The following SEC23A variants were observed in gnomAD, a reference collection of about 807,000 sequenced individuals.
The protein encoded by SEC23A is SEC23 homolog A, COPII component.
In SEC23A, 56 loss-of-function variants were observed where a neutral mutation model predicts 103.7. The observed-to-expected ratio is 0.54, with a 90% CI of 0.44 to 0.67. The LOEUF (loss-of-function observed/expected upper bound fraction) is 0.67, where lower values mean the gene tolerates loss of function less well. SEC23A is among the 30% of genes least tolerant of loss of function. The pLI is 0.00. For missense variants in SEC23A, 784 were observed against 936.4 expected (o/e 0.84, Z 2.12); for synonymous variants, 281 against 293.0 (o/e 0.96, Z 0.42).
At chr14:39,039,674 C>T (rs891086987) in intron 18 of SEC23A, 1 of 152,906 alleles carries the variant, frequency 6.5e-6, no homozygotes, top group African/African-American at 2.4e-5. Flanking sequence ...AGCACATAGA[C>T]AGTAACATCT....
At chr14:39,038,823 A>G (rs1185604340) in intron 19 of SEC23A, among the ~76,000 whole-genome samples, 3 of 152,214 alleles carry the variant, frequency 2.0e-5, no homozygotes, top group African/African-American at 7.2e-5. Flanking sequence ...TCTCAAGGGT[A>G]TAGTGCTAAA....
chr14:39,054,868 G>A (rs1187682490), intron 14 of SEC23A, among the ~76,000 whole-genome samples: 1 of 152,086 alleles, frequency 6.6e-6, no homozygotes, highest in African/African-American at 2.4e-5. Flanking sequence ...ATTAAATTGG[G>A]AACTAACCTC....
chr14:39,083,494 G>T (rs1041777796), intron 7 of SEC23A, among the ~76,000 whole-genome samples: 1 of 151,212 alleles, frequency 6.6e-6, no homozygotes, highest in Non-Finnish European at 1.5e-5. Flanking sequence ...ACTGTGCTCT[G>T]ACCACCTTGG....
intron 1 of SEC23A, among the ~76,000 whole-genome samples, chr14:39,096,817 A>T (rs1421941576): frequency 1.3e-5 from 2 of 152,216 alleles, no homozygotes; most frequent in Non-Finnish European, 2.9e-5. Context: ...TCAAAATTAT[A>T]AAGTTCTAAA....
intron 13 of SEC23A, 94 bp downstream of exon 13, chr14:39,061,671 A>C: frequency 1.2e-6 from 1 of 816,962 alleles, no homozygotes; most frequent in Admixed American, 1.8e-5. Context: ...TTCACTTGCT[A>C]GTCATGGATG....
chr14:39,067,152 A>C (rs1566496599), intron 10 of SEC23A, 21 bp downstream of exon 10: 2 of 1,613,414 alleles, frequency 1.2e-6, no homozygotes, highest in African/African-American at 2.7e-5. Context: ...CATATCGCAC[A>C]TGTCAAGTTT....
At chr14:39,073,572 T>C (rs1295741616) in intron 9 of SEC23A, among the ~76,000 whole-genome samples, 1 of 150,890 alleles carries the variant, frequency 6.6e-6, no homozygotes, top group East Asian at 1.9e-4. Flanking sequence ...AGGATTACAG[T>C]TGGGAGCCAC....
At chr14:39,092,734 ATT>A in intron 3 of SEC23A, 107 bp from the exon 4 acceptor site, 2 of 677,872 alleles carry the variant, frequency 3.0e-6, no homozygotes, top group Non-Finnish European at 5.1e-6. Flanking sequence ...TTAAAAAGGC[ATT>A]TTCATTAAAT....
intron 14 of SEC23A, 142 bp downstream of exon 14, chr14:39,055,001 A>T: frequency 1.1e-6 from 1 of 902,092 alleles, no homozygotes; most frequent in Non-Finnish European, 1.7e-6. Flanking sequence ...TTACTGTGCT[A>T]CTGTCTCAGT....
intron 7 of SEC23A, 125 bp downstream of exon 7, chr14:39,085,637 G>T: frequency 2.7e-6 from 3 of 1,130,118 alleles, no homozygotes; most frequent in Non-Finnish European, 3.9e-6. Context: ...CTGAGTGAGA[G>T]AATAGGGAGG....
chr14:39,037,808 A>C (rs12885242), intron 19 of SEC23A, among the ~76,000 whole-genome samples: 30,368 of 152,176 alleles, frequency 0.2, 3,820 homozygotes, highest in Middle Eastern at 0.34. Context: ...CATGCCCTGG[A>C]ATAATTACTT....
intron 15 of SEC23A, chr14:39,047,257 G>A (rs1394960631): frequency 2.6e-6 from 1 of 381,992 alleles, no homozygotes; most frequent in Non-Finnish European, 4.7e-6. Context: ...CTTGAGGCAG[G>A]GAGAGAAGAG....
chr14:39,055,471 G>C (rs746833430), intron 13 of SEC23A, among the ~76,000 whole-genome samples, 175 bp from the exon 14 acceptor site: 1 of 150,664 alleles, frequency 6.6e-6, no homozygotes, highest in Non-Finnish European at 1.5e-5. Flanking sequence ...GCAATGGCGC[G>C]ATCTCAGCTC....
rs776636342 is a variant in SEC23A, at chr14:39,091,518, C to T, written c.562G>A (p.Val188Ile). The change falls in exon 5 of 20, where the codon GTC (valine) becomes ATC (isoleucine). Residue 188 changes from valine to isoleucine, a missense_variant. Physicochemically the swap from Val to Ile is conservative, Grantham distance 29. This residue lies in a region of SEC23A where 683 missense variants were observed against 774.2 expected (regional missense o/e 0.88). Transcript: ENST00000307712. ...LGCEGISKSYVFRGTKDLSAK... is the reference protein window; with the variant it reads ...LGCEGISKSYIFRGTKDLSAK... ...GACAAATCTTTTGTTCCTCTGAAGA[C>T]ATAGCTTTTTGAAATGCCTTCACAT... 3.1e-6 allele frequency: 5 copies of T among 1,613,976 alleles called. No individual in the cohort carries two copies. The highest frequency in any genetic ancestry group is 4.2e-6 in the Non-Finnish European group (5 of 1,179,944).
intron 18 of SEC23A, chr14:39,040,464 C>T (rs557462468): frequency 2.1e-6 from 1 of 477,370 alleles, no homozygotes. Flanking sequence ...AGCTAGTATA[C>T]CACCACAATG....
intron 11 of SEC23A, among the ~76,000 whole-genome samples, chr14:39,063,873 G>A (rs1296587424): frequency 6.6e-6 from 1 of 151,942 alleles, no homozygotes; most frequent in Non-Finnish European, 1.5e-5. Context: ...GCGGACGCCT[G>A]TAGTCCCAGC....
chr14:39,102,145 T>C (rs1321429633), intron 1 of SEC23A, among the ~76,000 whole-genome samples: 1 of 151,598 alleles, frequency 6.6e-6, no homozygotes, highest in Non-Finnish European at 1.5e-5. Flanking sequence ...AGCAGGAGAA[T>C]CGCTTGAACC....
At chr14:39,084,843 G>C (rs566670982) in intron 7 of SEC23A, among the ~76,000 whole-genome samples, 1 of 152,036 alleles carries the variant, frequency 6.6e-6, no homozygotes, top group Non-Finnish European at 1.5e-5. Context: ...GCTAATTTTT[G>C]TATTTTTGGC....
chr14:39,065,106 G>T lies in SEC23A; in HGVS notation c.1228-113C>A. ...TCTATATTTAAAACTCAAAGCCAAT[G>T]AAAATATACTAACATGAAAAATAAT... On this transcript the variant is annotated intron_variant, in intron 10 of 19. Transcript: ENST00000307712. The T allele has an allele frequency of 4.0e-6, 3 of 740,874 alleles. No homozygotes were observed. In the Admixed American group the frequency reaches 6.0e-5, roughly 15 times the overall value. 45.9% of individuals were successfully genotyped at this position (740,874 alleles called of 1,614,324 possible). A position where few individuals can be genotyped will look rare whatever the true frequency, so the allele number is the denominator to read the frequency against.
Sources: gnomAD v4.1 joint callset for allele counts (sites outside exome capture counted in the v4.1 genomes callset) on GRCh38, gnomAD v4.1.1 for gene constraint, gnomAD v4.1.1 regional missense constraint, MANE v1.5 for transcripts, NCBI Gene and HGNC (gene_info 2026-07-23, HGNC 2026-07-21) for gene names.